The following ATG10 variants were observed in gnomAD, a reference collection of about 807,000 sequenced individuals.
The protein encoded by ATG10 is ubiquitin-like-conjugating enzyme ATG10.
A neutral mutation model predicts 32.1 loss-of-function variants in ATG10; 30 were observed. The observed-to-expected ratio is 0.94, with a 90% CI of 0.70 to 1.27. The LOEUF is 1.27. Among genes scored for constraint, ATG10 ranks in the 50% most tolerant of loss-of-function variants. The pLI is 0.00. For synonymous variants in ATG10, 87 were observed against 91.5 expected, an observed-to-expected ratio of 0.95 and a Z score of 0.28; for missense variants, 233 against 262.3, an observed-to-expected ratio of 0.89 and a Z score of 0.77.
chr5:82,129,065 A>T (rs1321007743), intron 3 of ATG10, among the ~76,000 whole-genome samples: 3 of 150,880 alleles, frequency 2.0e-5, no homozygotes, highest in African/African-American at 4.9e-5. Flanking sequence ...TTTTTCTCTA[A>T]TCTTGTCTTC....
intron 5 of ATG10, among the ~76,000 whole-genome samples, chr5:82,244,795 C>T (rs1746957867): frequency 6.6e-6 from 1 of 152,158 alleles, no homozygotes; most frequent in African/African-American, 2.4e-5. Context: ...TCACAGTATT[C>T]TTGTCAGACT....
chr5:82,046,523 C>G (rs917456762), intron 2 of ATG10, among the ~76,000 whole-genome samples: 1 of 152,208 alleles, frequency 6.6e-6, no homozygotes, highest in Non-Finnish European at 1.5e-5. Context: ...TTTCCAATTT[C>G]TAGCCTCCAG....
intron 5 of ATG10, among the ~76,000 whole-genome samples, chr5:82,235,055 C>CCTGAT (rs1746502239): frequency 1.3e-5 from 2 of 152,282 alleles, no homozygotes; most frequent in South Asian, 4.1e-4. Flanking sequence ...ACGTGAATTA[C>CCTGAT]CTGATCTGCA....
In ATG10 at chr5:82,184,556, G is replaced by A. The variant is rs190777638; in HGVS notation, c.453+5969G>A. 3.5e-3 allele frequency among the ~76,000 whole-genome samples: 537 copies of A among 151,930 alleles called. 6 individuals carry two copies. The highest frequency in any genetic ancestry group is 0.012 in the African/African-American group (511 of 41,408). On this transcript the variant is annotated intron_variant, in intron 5 of 7. Transcript: ENST00000282185. Reference sequence around the variant, plus strand: ...CTTTCTCCTCATCTCTGTCACCCTCGCTGTCTCTCTCATCAAACCTTTGCT... The same window carrying A: ...CTTTCTCCTCATCTCTGTCACCCTCACTGTCTCTCTCATCAAACCTTTGCT...
intron 3 of ATG10, among the ~76,000 whole-genome samples, chr5:82,060,099 CAAAGTTTAA>C (rs1428022505): frequency 6.6e-6 from 1 of 152,148 alleles, no homozygotes; most frequent in Non-Finnish European, 1.5e-5. Flanking sequence ...TTTAACTTCA[CAAAGTTTAA>C]AGATGTGCAC....
At position 82,015,295 on chromosome 5, in the gene ATG10, A is replaced by G. The variant is rs544188848; in HGVS notation, c.108+27617A>G. 8.5e-5 allele frequency among the ~76,000 whole-genome samples: 13 copies of G among 152,236 alleles called. No homozygotes were observed. The East Asian group carries it at 1.7e-3, about 20-fold the overall frequency. ...CATTTCAACTTTGGTGAATCTGACA[A>G]TGATGTGTTGTGGAGTTGCTCTTCT... On this transcript the variant is annotated intron_variant, in intron 2 of 7. Transcript: ENST00000282185.
At chr5:81,975,238 G>C (rs1416899843) in intron 1 of ATG10, among the ~76,000 whole-genome samples, 1 of 151,860 alleles carries the variant, frequency 6.6e-6, no homozygotes, top group Non-Finnish European at 1.5e-5. Flanking sequence ...ACTGTTTTTT[G>C]TTATCCATTA....
At position 82,118,402 on chromosome 5, in the gene ATG10, A is replaced by ATATG. The variant is rs1554049303; in HGVS notation, c.217-45989_217-45986dup. 2.5e-4 allele frequency among the ~76,000 whole-genome samples: 34 copies of ATATG among 136,346 alleles called. 1 individual carries two copies. The highest frequency in any genetic ancestry group is 1.0e-3 in the East Asian group (5 of 4,954). The allele number at this position is 136,346 out of a possible 152,430, so 89.4% of individuals were successfully genotyped here. On this transcript the variant is annotated intron_variant, in intron 3 of 7. Coordinates refer to ENST00000282185, the MANE Select transcript of ATG10 (RefSeq NM_031482.5). ...AATATATGTACATATATATATATAT[A>ATATG]TATGTATGTATATATTCCCTAGCAC...
chr5:82,113,828 T>C (rs535117384), intron 3 of ATG10, among the ~76,000 whole-genome samples: 1 of 152,162 alleles, frequency 6.6e-6, no homozygotes, highest in Non-Finnish European at 1.5e-5. Context: ...TTTTTGTTCA[T>C]TTTTCCCTTA....
intron 3 of ATG10, among the ~76,000 whole-genome samples, chr5:82,088,564 C>G (rs562271308): frequency 2.6e-5 from 4 of 152,290 alleles, no homozygotes; most frequent in African/African-American, 9.6e-5. Flanking sequence ...GTGCGTTCCT[C>G]CTTACATATT....
chr5:82,139,829 G>C (rs1337704827), intron 3 of ATG10, among the ~76,000 whole-genome samples: 3 of 142,372 alleles, frequency 2.1e-5, no homozygotes, highest in African/African-American at 7.9e-5. Flanking sequence ...CACCCCATCC[G>C]GGAGGGAGAT....
At chr5:82,202,799 A>G (rs901120581) in intron 5 of ATG10, among the ~76,000 whole-genome samples, 8 of 152,258 alleles carry the variant, frequency 5.3e-5, no homozygotes, top group African/African-American at 1.7e-4. Context: ...CCTTCAGGCC[A>G]TACTGTTCCC....
chr5:82,100,712 A>G (rs1765240641), intron 3 of ATG10, among the ~76,000 whole-genome samples: 1 of 151,820 alleles, frequency 6.6e-6, no homozygotes, highest in Non-Finnish European at 1.5e-5. Context: ...ACTGAAATAT[A>G]CAAGGCAGGG....
rs141157087 is a variant in ATG10 at position 82,241,769 on chromosome 5, A to G, written c.454-10793A>G. On this transcript the variant is annotated intron_variant, in intron 5 of 7. Transcript: ENST00000282185. ...AATAGCCTCTCCCCCATCATTCTCT[A>G]TATATTAAAATTTTTTTTCTCTCTC... 2.0e-3 allele frequency among the ~76,000 whole-genome samples: 311 copies of G among 151,788 alleles called. 5 individuals are homozygous for G. The highest frequency in any genetic ancestry group is 7.1e-3 in the African/African-American group (294 of 41,302).
At chr5:82,082,582 A>AT (rs1247953724) in intron 3 of ATG10, among the ~76,000 whole-genome samples, 1 of 151,696 alleles carries the variant, frequency 6.6e-6, no homozygotes, top group African/African-American at 2.4e-5. Context: ...GGACTTTGAG[A>AT]TTTTTTTCCC....
chr5:82,010,108 A>G lies in ATG10; in HGVS notation c.108+22430A>G. 1.9e-6 allele frequency: 3 copies of G among 1,586,678 alleles called. No homozygotes were observed. In the South Asian group the frequency reaches 3.3e-5, roughly 18 times the overall value. On this transcript the variant is annotated intron_variant, in intron 2 of 7. Transcript: ENST00000282185. Reference sequence around the variant, plus strand: ...GGGTTGACCATGGCTAATAGTACACAGTTTTCCTCGGCGGCGTCATCTGCA... The same window carrying G: ...GGGTTGACCATGGCTAATAGTACACGGTTTTCCTCGGCGGCGTCATCTGCA...
At chr5:82,084,411 G>A (rs1029940285) in intron 3 of ATG10, among the ~76,000 whole-genome samples, 9 of 152,212 alleles carry the variant, frequency 5.9e-5, no homozygotes, top group African/African-American at 1.4e-4. Flanking sequence ...ACACTCTTCA[G>A]GATATTATCC....
chr5:82,030,695 T>C (rs1762720009), intron 2 of ATG10, among the ~76,000 whole-genome samples: 1 of 152,230 alleles, frequency 6.6e-6, no homozygotes, highest in South Asian at 2.1e-4. Flanking sequence ...GCAGTACTAT[T>C]GACCTTGCTC....
intron 1 of ATG10, among the ~76,000 whole-genome samples, chr5:81,982,015 T>C (rs1178939923): frequency 6.6e-6 from 1 of 152,238 alleles, no homozygotes; most frequent in Non-Finnish European, 1.5e-5. Context: ...CTACCCTCAC[T>C]TGGAAAAACA....
Sources: allele counts gnomAD v4.1 joint callset (sites outside exome capture counted in the v4.1 genomes callset), GRCh38; gene constraint gnomAD v4.1.1; transcripts MANE v1.5; gene names NCBI Gene and HGNC (gene_info 2026-07-23, HGNC 2026-07-21).